The following MEGF6 variants were observed in gnomAD, a reference collection of about 807,000 sequenced individuals.
MEGF6 encodes the protein multiple epidermal growth factor-like domains protein 6.
In MEGF6, 184 loss-of-function variants were observed where a neutral mutation model predicts 207.1. That is an observed-to-expected ratio of 0.89 (90% confidence interval 0.79 to 1.00). The LOEUF (loss-of-function observed/expected upper bound fraction) is 1.00. Ranked by LOEUF, MEGF6 falls within the 50% of genes least tolerant of loss-of-function variation. MEGF6 has a pLI of 0.00. For missense variants in MEGF6, 2,282 were observed against 2,202.9 expected (o/e 1.04, Z -0.72); for synonymous variants, 1,038 against 910.0 (o/e 1.14, Z -2.53).
At chr1:3,616,620 G>A in the MEGF6 span, among the ~76,000 whole-genome samples, 5 of 152,172 alleles carry the variant, frequency 3.3e-5, no homozygotes, top group East Asian at 9.6e-4. Flanking sequence ...GATAGCAAAG[G>A]ATCGCACCAG....
At chr1:3,591,480 G>GC (rs1643976703) in intron 3 of MEGF6, among the ~76,000 whole-genome samples, 1 of 152,196 alleles carries the variant, frequency 6.6e-6, no homozygotes, top group Non-Finnish European at 1.5e-5. Flanking sequence ...ACAAGAGCTG[G>GC]CACTGCTTGA....
chr1:3,509,559 C>T (rs995619785), intron 11 of MEGF6, among the ~76,000 whole-genome samples: 1 of 151,844 alleles, frequency 6.6e-6, no homozygotes, highest in African/African-American at 2.4e-5. Context: ...GTCCCAGGGA[C>T]AACATCACCT....
chr1:3,581,459 T>C (rs1643796648), intron 3 of MEGF6, among the ~76,000 whole-genome samples: 1 of 152,132 alleles, frequency 6.6e-6, no homozygotes, highest in Non-Finnish European at 1.5e-5. Flanking sequence ...CGGATGGAAG[T>C]TGCCATGACC....
chr1:3,579,833 C>T lies in MEGF6; in HGVS notation c.473G>A (p.Cys158Tyr), dbSNP rs746927206. The change falls in exon 4 of 37, where the codon TGT becomes TAT. Residue 158 changes from cysteine (C) to tyrosine (Y), a missense_variant. Physicochemically the swap from Cys to Tyr is radical, Grantham distance 194 (BLOSUM62 -2). Coordinates refer to ENST00000356575, the MANE Select transcript of MEGF6 (RefSeq NM_001409.4). Reference sequence around the variant, plus strand: ...CCAGGGGCTCCACTCACCATACTGACAGCGGGGTCCCTGGAAGCCGGGGGG... The same window carrying T: ...CCAGGGGCTCCACTCACCATACTGATAGCGGGGTCCCTGGAAGCCGGGGGG... ...HCPPGFQGPR[C>Y]QYDVDECRTH... The T allele has an allele frequency of 6.6e-7, 1 of 1,522,044 alleles. No homozygotes were observed. Among genetic ancestry groups the T allele is most frequent in the African/African-American group, 1.4e-5 (1 of 69,428 alleles). The allele number at this position is 1,522,044 out of a possible 1,614,324, so 94.3% of individuals were successfully genotyped here.
intron 26 of MEGF6, among the ~76,000 whole-genome samples, chr1:3,498,027 C>T (rs548494679): frequency 6.6e-6 from 1 of 152,264 alleles, no homozygotes; most frequent in South Asian, 2.1e-4. Flanking sequence ...GGCCCCCAGC[C>T]AGCACAGGCT....
chr1:3,506,294 C>G, intron 14 of MEGF6, 58 bp from the exon 15 acceptor site: 1 of 1,578,576 alleles, frequency 6.3e-7, no homozygotes, highest in South Asian at 1.1e-5. Flanking sequence ...CACATGTGGT[C>G]CCCCCATGTG....
At chr1:3,541,272 C>T (rs993352597) in intron 4 of MEGF6, among the ~76,000 whole-genome samples, 14 of 152,162 alleles carry the variant, frequency 9.2e-5, no homozygotes, top group African/African-American at 2.4e-4. Context: ...GTGTGGGTCG[C>T]ACAGGGCTTG....
At chr1:3,547,557 G>A (rs558402586) in intron 4 of MEGF6, among the ~76,000 whole-genome samples, 1 of 152,264 alleles carries the variant, frequency 6.6e-6, no homozygotes, top group East Asian at 1.9e-4. Flanking sequence ...GCCAGGAGGA[G>A]TTTCACTGTC....
Position 3,611,309 on chromosome 1 carries a change from G to T in MEGF6, c.-41C>A, listed in dbSNP as rs372191002. The T allele has an allele frequency of 2.1e-4, 298 of 1,408,072 alleles. No individual in the cohort carries two copies. In the African/African-American group the frequency reaches 3.9e-3, roughly 18 times the overall value. The allele number at this position is 1,408,072 out of a possible 1,614,324, so 87.2% of individuals were successfully genotyped here. On this transcript the variant is annotated 5_prime_UTR_variant, in exon 1 of 37. Coordinates refer to ENST00000356575, the MANE Select transcript of MEGF6 (RefSeq NM_001409.4). Reference sequence around the variant, plus strand: ...CTCCTCCGCTCTCCGGCTCACAGGCGGCCCCGGCGGCTCCCCGGAGCCTCC... The same window carrying T: ...CTCCTCCGCTCTCCGGCTCACAGGCTGCCCCGGCGGCTCCCCGGAGCCTCC...
intron 4 of MEGF6, among the ~76,000 whole-genome samples, chr1:3,559,666 G>A (rs1172809918): frequency 6.6e-6 from 1 of 152,044 alleles, no homozygotes; most frequent in Non-Finnish European, 1.5e-5. Context: ...CTCTGCGGAA[G>A]ACACAGGAAA....
Position 3,498,410 on chromosome 1 carries a change from G to C in MEGF6, c.3313C>G (p.Leu1105Val), listed in dbSNP as rs767489353. 6.3e-7 allele frequency: 1 copy of C among 1,596,252 alleles called. No homozygotes were observed. Among genetic ancestry groups the C allele is most frequent in the Non-Finnish European group, 8.5e-7 (1 of 1,174,484 alleles). Residue 1105 changes from leucine (L) to valine (V), a missense_variant, in exon 26 of 37, where the codon CTC (leucine) becomes GTC (valine). Transcript: ENST00000356575. ...GLCDPHTGRC[L>V]CPAGWTGDKC... ...TCCCCAGTCCAGCCGGCTGGGCAGA[G>C]GCAGCGGCCCGTGTGCGGGTCACAC...
At position 3,570,570 on chromosome 1, in the gene MEGF6, G is replaced by C. The variant is rs180742249; in HGVS notation, c.481+9255C>G. On this transcript the variant is annotated intron_variant, in intron 4 of 36. Transcript: ENST00000356575. ...GTCAAGGAGGCATCTTCCGGCCCAG[G>C]TGCCAGGTGCTCTGTCCACCCGCCG... Among the ~76,000 whole-genome samples, 262 of 152,324 alleles carry C rather than the reference G, an allele frequency of 1.7e-3. 2 individuals carry two copies. The highest frequency in any genetic ancestry group is 5.4e-3 in the African/African-American group (225 of 41,560).
At chr1:3,491,105 GGGGAA>G (rs1376662502) in intron 35 of MEGF6, 146 bp from the exon 36 acceptor site, 1 of 673,892 alleles carries the variant, frequency 1.5e-6, no homozygotes, top group East Asian at 3.3e-5. Context: ...CTTTGCACTC[GGGGAA>G]GGAACGGGGG....
intron 36 of MEGF6, 123 bp from the exon 37 acceptor site, chr1:3,490,712 G>A (rs1347314492): frequency 8.4e-6 from 10 of 1,189,674 alleles, no homozygotes; most frequent in Non-Finnish European, 1.2e-5. Context: ...CAGCAGGTGG[G>A]TGGGGCCCAC....
At chr1:3,591,680 G>A (rs1205350643) in intron 3 of MEGF6, among the ~76,000 whole-genome samples, 3 of 146,688 alleles carry the variant, frequency 2.0e-5, no homozygotes, top group African/African-American at 5.1e-5. Flanking sequence ...GGGCGCCAGC[G>A]AGGCAGCTGG....
intron 4 of MEGF6, among the ~76,000 whole-genome samples, chr1:3,567,515 C>T (rs1272747610): frequency 6.6e-6 from 1 of 151,650 alleles, no homozygotes. Context: ...TCCTGCACCC[C>T]CAGCATGGAC....
upstream of MEGF6, among the ~76,000 whole-genome samples, chr1:3,616,106 C>T (rs959403442): frequency 4.6e-5 from 7 of 152,300 alleles, no homozygotes; most frequent in East Asian, 1.4e-3. Context: ...GTGGATAACT[C>T]AAGGTGCTAA....
intron 2 of MEGF6, among the ~76,000 whole-genome samples, chr1:3,599,983 G>C (rs1337147608): frequency 1.3e-5 from 2 of 152,172 alleles, no homozygotes; most frequent in African/African-American, 4.8e-5. Context: ...AGGCTGGTAG[G>C]GGTGGAACCA....
the MEGF6 span, among the ~76,000 whole-genome samples, chr1:3,622,370 C>A: frequency 6.6e-6 from 1 of 152,146 alleles, no homozygotes; most frequent in Non-Finnish European, 1.5e-5. Context: ...CTTTGCCTTC[C>A]GCCATGATTG....
Sources: allele counts gnomAD v4.1 joint callset (sites outside exome capture counted in the v4.1 genomes callset), GRCh38; gene constraint gnomAD v4.1.1; transcripts MANE v1.5; gene names NCBI Gene and HGNC (gene_info 2026-07-23, HGNC 2026-07-21).